The following IL3RA variants were observed in gnomAD, a reference collection of about 807,000 sequenced individuals.
IL3RA encodes the protein interleukin-3 receptor subunit alpha.
IL3RA carries 73 observed loss-of-function variants against 52.3 expected under a neutral mutation model. The observed-to-expected ratio is 1.40, with a 90% CI of 1.16 to 1.70. The LOEUF (loss-of-function observed/expected upper bound fraction) is 1.70, where lower values mean the gene tolerates loss of function less well. Ranked by LOEUF, IL3RA falls within the 40% of genes most tolerant of loss-of-function variation. The pLI is 0.00. For synonymous variants in IL3RA, 260 were observed against 194.0 expected, an observed-to-expected ratio of 1.34 and a Z score of -2.83; for missense variants, 664 against 504.4, an observed-to-expected ratio of 1.32 and a Z score of -3.03.
At chrX:1,347,624 A>G (rs2085809016) in intron 3 of IL3RA, among the ~76,000 whole-genome samples, 1 of 151,566 alleles carries the variant, frequency 6.6e-6, no homozygotes, top group South Asian at 2.1e-4. Flanking sequence ...TGTCTTAACA[A>G]AAAAACAAAG....
intron 3 of IL3RA, among the ~76,000 whole-genome samples, chrX:1,348,082 C>T (rs2085846218): frequency 6.8e-6 from 1 of 146,604 alleles, no homozygotes; most frequent in Non-Finnish European, 1.5e-5. Context: ...CACGGTGGCT[C>T]ACGCCTGTAA....
chrX:1,340,115 C>CTTTTTTTTTTT (rs779128210), intron 1 of IL3RA, among the ~76,000 whole-genome samples: 2 of 127,198 alleles, frequency 1.6e-5, no homozygotes, highest in African/African-American at 2.9e-5. Context: ...CTTTTCTTTT[C>CTTTTTTTTTTT]TTTTTTTTTT....
At chrX:1,348,662 C>CT (rs1259073940) in intron 4 of IL3RA, 117 bp downstream of exon 4, 4 of 444,466 alleles carry the variant, frequency 9.0e-6, no homozygotes, top group African/African-American at 9.8e-5. Context: ...TTCTTTCTTT[C>CT]TTTCTTTCTT....
rs1281398298 is a variant in IL3RA, at chrX:1,343,883, C to T, written c.65-1433C>T. Among the ~76,000 whole-genome samples the T allele has an allele frequency of 7.3e-5, 11 of 150,420 alleles. No homozygotes were observed. In the South Asian group the frequency reaches 8.4e-4, roughly 12 times the overall value. ...CGATCTCAGCTCACCGCAACCTCCG[C>T]CTCCCGAGTTCCAGTGATTCTCCTG... On this transcript the variant is annotated intron_variant, in intron 2 of 11. Coordinates refer to ENST00000331035, the MANE Select transcript of IL3RA (RefSeq NM_002183.4).
intron 9 of IL3RA, among the ~76,000 whole-genome samples, chrX:1,376,977 A>G (rs1338052760): frequency 7.0e-6 from 1 of 142,704 alleles, no homozygotes; most frequent in Non-Finnish European, 1.5e-5. Flanking sequence ...TGGGAGAATC[A>G]ATGTGTTTTG....
Position 1,365,106 on chromosome X carries a change from G to A in IL3RA, c.760-32G>A, listed in dbSNP as rs765252016. The A allele has an allele frequency of 5.5e-5, 83 of 1,521,078 alleles. No homozygotes were observed. In the East Asian group the frequency reaches 1.6e-3, roughly 30 times the overall value. The allele number at this position is 1,521,078 out of a possible 1,614,324, so 94.2% of individuals were successfully genotyped here. A position where few individuals can be genotyped will look rare whatever the true frequency, so the allele number is the denominator to read the frequency against. On this transcript the variant is annotated intron_variant, in intron 8 of 11. Transcript: ENST00000331035. Reference sequence around the variant, plus strand: ...TGAGAGTCATGAGCCACCATACCTGGCCCCTCTTCTTTATTTTCTTTCAAA... The same window carrying A: ...TGAGAGTCATGAGCCACCATACCTGACCCCTCTTCTTTATTTTCTTTCAAA...
chrX:1,344,692 G>C (rs1476686787), intron 2 of IL3RA, among the ~76,000 whole-genome samples: 9 of 151,744 alleles, frequency 5.9e-5, no homozygotes, highest in Non-Finnish European at 1.3e-4. Flanking sequence ...AGAATCGCTT[G>C]AACCCGGGAG....
At chrX:1,377,390 G>A (rs1303362180) in intron 9 of IL3RA, among the ~76,000 whole-genome samples, 5 of 151,968 alleles carry the variant, frequency 3.3e-5, no homozygotes, top group African/African-American at 7.2e-5. Flanking sequence ...ACAGGCGCCC[G>A]CCACCACACC....
intron 11 of IL3RA, among the ~76,000 whole-genome samples, chrX:1,381,600 C>T (rs1441789291): frequency 2.6e-5 from 4 of 151,040 alleles, no homozygotes; most frequent in African/African-American, 4.9e-5. Flanking sequence ...TGCAATGGTG[C>T]GATCTTGGCT....
intron 9 of IL3RA, among the ~76,000 whole-genome samples, chrX:1,366,595 CGGTG>C (rs2088073106): frequency 5.2e-5 from 1 of 19,244 alleles, no homozygotes; most frequent in Non-Finnish European, 7.6e-5. Flanking sequence ...GCGGGGTGCG[CGGTG>C]CGCGGGGTGA....
Position 1,348,523 on chromosome X carries a change from G to A in IL3RA, c.276G>A (p.Thr92=), listed in dbSNP as rs141722722. 155 of 1,613,446 alleles carry A rather than the reference G, an allele frequency of 9.6e-5. 1 individual carries two copies. The highest frequency in any genetic ancestry group is 6.6e-4 in the Middle Eastern group (4 of 6,054). Residue 92 remains threonine (T), a synonymous_variant, in exon 4 of 12, where the codon ACG becomes ACA. Transcript: ENST00000331035. ...GAGTGGCCAACCCACCATTCTCCAC[G>A]TGGATCCTCTTCCCTGAGAACAGTG... ...TVRVANPPFS[T]WILFPENSGK...
chrX:1,348,125 T>C (rs2085849865), intron 3 of IL3RA, among the ~76,000 whole-genome samples: 1 of 149,962 alleles, frequency 6.7e-6, no homozygotes, highest in Non-Finnish European at 1.5e-5. Flanking sequence ...GGCAGGCGGA[T>C]CACATGAGGT....
chrX:1,353,642 G>T (rs75705486), intron 6 of IL3RA, among the ~76,000 whole-genome samples: 1 of 42,812 alleles, frequency 2.3e-5, no homozygotes, highest in African/African-American at 1.1e-4. Context: ...CCCCCATCAT[G>T]GGTTCCATCA....
At position 1,352,413 on chromosome X, in the gene IL3RA, AGCG is replaced by A. The variant is rs772195881; in HGVS notation, c.525_527del (p.Gly176del). On this transcript the variant is annotated inframe_deletion, in exon 6 of 12. Transcript: ENST00000331035. ...TTTCGATGACATCTCTCGACTCTCC[AGCG>A]GTTCTCAAAGTTCCCACATCCTGGT... The A allele has an allele frequency of 1.2e-6, 2 of 1,613,870 alleles. No homozygotes were observed. Among genetic ancestry groups the A allele is most frequent in the Non-Finnish European group, 1.7e-6 (2 of 1,179,874 alleles).
intron 7 of IL3RA, among the ~76,000 whole-genome samples, chrX:1,356,757 G>C (rs2086758431): frequency 6.6e-6 from 1 of 150,752 alleles, no homozygotes; most frequent in Non-Finnish European, 1.5e-5. Context: ...GGGCGACAGA[G>C]CGAGACTCCG....
chrX:1,359,788 TTTATTCTCCCTCCCTCTC>T (rs1569524366), intron 8 of IL3RA, among the ~76,000 whole-genome samples: 1 of 135,556 alleles, frequency 7.4e-6, no homozygotes, highest in African/African-American at 2.8e-5. Flanking sequence ...CCCTCCCTCT[TTTATTCTCCCTCCCTCTC>T]TTTCTCTCTC....
chrX:1,380,699 G>T (rs2089137408), intron 10 of IL3RA, among the ~76,000 whole-genome samples: 1 of 130,754 alleles, frequency 7.6e-6, no homozygotes, highest in South Asian at 3.2e-4. Flanking sequence ...AAAGGGGGAG[G>T]AAGAGGGGGA....
chrX:1,340,629 G>C lies in IL3RA; in HGVS notation c.-38-1099G>C, dbSNP rs182612133. Among the ~76,000 whole-genome samples, 613 of 152,260 alleles carry C rather than the reference G, an allele frequency of 4.0e-3. 7 individuals carry two copies. Among genetic ancestry groups the C allele is most frequent in the Non-Finnish European group, 3.7e-3 (252 of 68,042 alleles). On this transcript the variant is annotated intron_variant, in intron 1 of 11. Coordinates refer to ENST00000331035, the MANE Select transcript of IL3RA (RefSeq NM_002183.4). ...ATTTATGCACATGTGTGTACACGTGGAATGCATGCACAGATACATATGCAT... is the reference window on the plus strand; with the variant it reads ...ATTTATGCACATGTGTGTACACGTGCAATGCATGCACAGATACATATGCAT...
chrX:1,365,736 G>C (rs1321173423), intron 9 of IL3RA, among the ~76,000 whole-genome samples: 5 of 38,454 alleles, frequency 1.3e-4, no homozygotes, highest in Non-Finnish European at 1.3e-4. Context: ...CGGGGTGCGC[G>C]GGGTGAGCGG....
Sources: gnomAD v4.1 joint callset for allele counts (sites outside exome capture counted in the v4.1 genomes callset) on GRCh38, gnomAD v4.1.1 for gene constraint, MANE v1.5 for transcripts, NCBI Gene and HGNC (gene_info 2026-07-23, HGNC 2026-07-21) for gene names.